FBRSL1: variants seen among roughly 807,000 people sequenced by gnomAD.
The protein encoded by FBRSL1 is fibrosin like 1.
A neutral mutation model predicts 89.6 loss-of-function variants in FBRSL1; 51 were observed. That is an observed-to-expected ratio of 0.57 (90% confidence interval 0.45 to 0.72). The LOEUF (loss-of-function observed/expected upper bound fraction) is 0.72, where lower values mean the gene tolerates loss of function less well. FBRSL1 is among the 30% of genes least tolerant of loss of function. FBRSL1 has a pLI of 0.00. For missense variants in FBRSL1, 1,618 were observed against 1,451.8 expected (o/e 1.11, Z -1.86); for synonymous variants, 779 against 681.1 (o/e 1.14, Z -2.24).
chr12:132,525,861 C>G, intron 3 of FBRSL1, 38 bp downstream of exon 3: 1 of 1,498,132 alleles, frequency 6.7e-7, no homozygotes, highest in Non-Finnish European at 9.1e-7. Flanking sequence ...GGCTCCGAGT[C>G]TGGGCCGCCT....
In FBRSL1 at chr12:132,550,301, G is replaced by A. The variant is rs564681695; in HGVS notation, c.645+2269G>A. ...TCGGGTCACGCCCACTCTGGGGAGA[G>A]CAGAGAGGCCTGGCGGGGCGGGGAC... On this transcript the variant is annotated intron_variant, in intron 5 of 18. Coordinates refer to ENST00000680143, the MANE Select transcript of FBRSL1 (RefSeq NM_001367871.1). 6.8e-5 allele frequency among the ~76,000 whole-genome samples: 9 copies of A among 132,194 alleles called. No individual in the cohort carries two copies. In the East Asian group the frequency reaches 1.9e-3, roughly 27 times the overall value. The allele number at this position is 132,194 out of a possible 152,430, so 86.7% of individuals were successfully genotyped here.
At chr12:132,530,355 G>C (rs917993144) in intron 4 of FBRSL1, among the ~76,000 whole-genome samples, 9 of 152,166 alleles carry the variant, frequency 5.9e-5, no homozygotes, top group African/African-American at 1.9e-4. Flanking sequence ...CCCCACATAG[G>C]TGCCAGACTG....
chr12:132,556,547 CCCCCT>C (rs557948621), intron 5 of FBRSL1, among the ~76,000 whole-genome samples: 52,902 of 86,174 alleles, frequency 0.61, 17,023 homozygotes, highest in African/African-American at 0.67. Flanking sequence ...CGTGCTGCAC[CCCCCT>C]CCACCCACCC....
At chr12:132,536,740 G>T (rs1350705415) in intron 4 of FBRSL1, among the ~76,000 whole-genome samples, 2 of 151,900 alleles carry the variant, frequency 1.3e-5, no homozygotes, top group Non-Finnish European at 2.9e-5. Flanking sequence ...GTACATGAAG[G>T]TGTGTGTGCC....
chr12:132,570,614 G>T (rs1014162690), intron 8 of FBRSL1, 74 bp downstream of exon 8: 29 of 1,256,528 alleles, frequency 2.3e-5, no homozygotes, highest in Non-Finnish European at 3.0e-5. Flanking sequence ...GGGGAGGGGC[G>T]CACAGCCTGG....
chr12:132,582,067 G>T lies in FBRSL1; in HGVS notation c.2002G>T (p.Gly668Cys). Residue 668 changes from glycine (G) to cysteine (C), a missense_variant, in exon 18 of 19, where the codon GGT becomes TGT. Physicochemically the swap from Gly to Cys is radical, Grantham distance 159. Coordinates refer to ENST00000680143, the MANE Select transcript of FBRSL1 (RefSeq NM_001367871.1). ...GGLGSHALAP[G>C]GSIFAPKEGS... ...TCCCCGGCCTCTGCCCCCAGCTCCC[G>T]GTGGCAGCATCTTTGCCCCCAAGGA... 6.5e-7 allele frequency: 1 copy of T among 1,546,244 alleles called. No individual in the cohort carries two copies. The highest frequency in any genetic ancestry group is 8.7e-7 in the Non-Finnish European group (1 of 1,144,742).
At chr12:132,557,235 C>T (rs954619014) in intron 5 of FBRSL1, among the ~76,000 whole-genome samples, 3 of 152,194 alleles carry the variant, frequency 2.0e-5, no homozygotes, top group Non-Finnish European at 4.4e-5. Context: ...ATAAATGTGC[C>T]TCTGAACACC....
chr12:132,571,468 A>C, intron 9 of FBRSL1: 1 of 1,549,278 alleles, frequency 6.5e-7, no homozygotes. Flanking sequence ...GCACCAACAC[A>C]CATTCGCCCC....
At chr12:132,560,769 G>C (rs2039055803) in intron 5 of FBRSL1, among the ~76,000 whole-genome samples, 1 of 152,218 alleles carries the variant, frequency 6.6e-6, no homozygotes, top group Non-Finnish European at 1.5e-5. Flanking sequence ...CTGAGCCTGC[G>C]GACCCGGAGT....
intron 4 of FBRSL1, among the ~76,000 whole-genome samples, chr12:132,533,685 G>A (rs547406896): frequency 3.9e-5 from 6 of 152,332 alleles, no homozygotes; most frequent in Non-Finnish European, 7.3e-5. Flanking sequence ...CCATCTGTCC[G>A]TCCATGCCAC....
intron 3 of FBRSL1, among the ~76,000 whole-genome samples, chr12:132,527,248 G>A (rs1325181487): frequency 2.6e-5 from 4 of 152,204 alleles, no homozygotes; most frequent in Non-Finnish European, 1.5e-5. Context: ...ACGGAGGGAG[G>A]TCAGCAGAAG....
intron 12 of FBRSL1, 49 bp downstream of exon 12, chr12:132,574,207 G>A (rs7979693): frequency 2.4e-5 from 34 of 1,431,746 alleles, no homozygotes; most frequent in East Asian, 1.0e-4. Context: ...GGCCTGCCCC[G>A]GCCGGGCCCT....
intron 1 of FBRSL1, among the ~76,000 whole-genome samples, chr12:132,503,920 G>A (rs909250447): frequency 2.6e-5 from 4 of 152,166 alleles, no homozygotes; most frequent in Admixed American, 2.6e-4. Flanking sequence ...CCCCACTGGA[G>A]AGCAGCTTCC....
At chr12:132,574,274 C>T in intron 12 of FBRSL1, 45 bp from the exon 13 acceptor site, 1 of 1,483,916 alleles carries the variant, frequency 6.7e-7, no homozygotes, top group Non-Finnish European at 9.0e-7. Context: ...CAGGACTCAG[C>T]CTCCTGAGGG....
At chr12:132,557,838 G>A (rs920856943) in intron 5 of FBRSL1, among the ~76,000 whole-genome samples, 6 of 152,186 alleles carry the variant, frequency 3.9e-5, no homozygotes, top group East Asian at 3.8e-4. Flanking sequence ...GCCGCTTCCC[G>A]TGCCCTGTAC....
intron 15 of FBRSL1, chr12:132,580,989 G>A: frequency 2.0e-6 from 2 of 985,464 alleles, no homozygotes; most frequent in Non-Finnish European, 2.4e-6. Context: ...GGGCTGCCAT[G>A]TGCAGCCTCC....
intron 4 of FBRSL1, among the ~76,000 whole-genome samples, chr12:132,543,913 C>T (rs1233149094): frequency 2.0e-5 from 3 of 152,170 alleles, no homozygotes; most frequent in South Asian, 2.1e-4. Context: ...AGCTGAGCTG[C>T]GGGCTTGGGG....
At chr12:132,514,824 T>C (rs1028464304) in intron 2 of FBRSL1, among the ~76,000 whole-genome samples, 3 of 152,180 alleles carry the variant, frequency 2.0e-5, no homozygotes, top group Admixed American at 1.3e-4. Context: ...TAAGAAGAAA[T>C]AAGTAAAATT....
At chr12:132,534,831 G>GC (rs2036579181) in intron 4 of FBRSL1, among the ~76,000 whole-genome samples, 1 of 152,338 alleles carries the variant, frequency 6.6e-6, no homozygotes, top group Non-Finnish European at 1.5e-5. Context: ...GCAGGTCAGA[G>GC]CCCCCCAGCC....
Sources: gnomAD v4.1 joint callset for allele counts (sites outside exome capture counted in the v4.1 genomes callset) on GRCh38, gnomAD v4.1.1 for gene constraint, MANE v1.5 for transcripts, NCBI Gene and HGNC (gene_info 2026-07-23, HGNC 2026-07-21) for gene names.